The following RIOK3 variants were observed in gnomAD, a reference collection of about 807,000 sequenced individuals.
RIOK3 encodes RIO kinase 3.
A neutral mutation model predicts 63.5 loss-of-function variants in RIOK3; 40 were observed. That is an observed-to-expected ratio of 0.63 (90% confidence interval 0.49 to 0.82). RIOK3 has a LOEUF of 0.82. Among genes scored for constraint, RIOK3 ranks in the 40% least tolerant of loss-of-function variants. The probability of loss-of-function intolerance (pLI) is 0.00; values close to 1 mark genes in which losing one functional copy is unlikely to be tolerated. For missense variants in RIOK3, 557 were observed against 637.0 expected, an observed-to-expected ratio of 0.87 and a Z score of 1.35; for synonymous variants, 193 against 205.0, an observed-to-expected ratio of 0.94 and a Z score of 0.50.
intron 1 of RIOK3, among the ~76,000 whole-genome samples, chr18:23,457,754 C>T (rs1264334093): frequency 1.3e-5 from 2 of 152,044 alleles, no homozygotes. Flanking sequence ...TGAAAAATTA[C>T]TTACTTAAAT....
At chr18:23,457,794 A>G (rs952774279) in intron 1 of RIOK3, among the ~76,000 whole-genome samples, 1 of 152,086 alleles carries the variant, frequency 6.6e-6, no homozygotes, top group African/African-American at 2.4e-5. Flanking sequence ...TTCTAGCTGT[A>G]TGGTTAGAAA....
At chr18:23,479,017 T>C (rs1165380037) in intron 11 of RIOK3, 2 of 270,142 alleles carry the variant, frequency 7.4e-6, no homozygotes, top group Non-Finnish European at 1.5e-5. Flanking sequence ...GGTTGAGAAA[T>C]GAGGCAAGGA....
At chr18:23,464,450 GACA>G (rs2057392726) in intron 4 of RIOK3, 66 bp from the exon 5 acceptor site, 2 of 1,215,606 alleles carry the variant, frequency 1.6e-6, no homozygotes. Context: ...TGTCTTTTCA[GACA>G]ACGTTGAATG....
chr18:23,464,758 A>C, intron 5 of RIOK3, 130 bp downstream of exon 5: 1 of 476,050 alleles, frequency 2.1e-6, no homozygotes, highest in South Asian at 5.5e-5. Flanking sequence ...TTAGATAACA[A>C]TATGGCAATA....
chr18:23,453,313 C>T lies in RIOK3; in HGVS notation c.-127C>T. 1 of 782,834 alleles carries T rather than the reference C, an allele frequency of 1.3e-6. No individual in the cohort carries two copies. Among genetic ancestry groups the T allele is most frequent in the Non-Finnish European group, 2.2e-6 (1 of 453,946 alleles). The allele number at this position is 782,834 out of a possible 1,614,324, so 48.5% of individuals were successfully genotyped here. ...GTTCCGGACGCGGCCGCCGCCGTCGCCGCCATCTGTCACCTCCACTCCGGC... is the reference window on the plus strand; with the variant it reads ...GTTCCGGACGCGGCCGCCGCCGTCGTCGCCATCTGTCACCTCCACTCCGGC... On this transcript the variant is annotated 5_prime_UTR_variant, in exon 1 of 13. Transcript: ENST00000339486.
chr18:23,457,262 G>A (rs1308585927), intron 1 of RIOK3, among the ~76,000 whole-genome samples: 3 of 152,128 alleles, frequency 2.0e-5, no homozygotes, highest in African/African-American at 7.2e-5. Context: ...TTGGCAAACT[G>A]TAAGCAAAAG....
intron 5 of RIOK3, 51 bp downstream of exon 5, chr18:23,464,679 C>T (rs750081868): frequency 9.6e-7 from 1 of 1,044,368 alleles, no homozygotes; most frequent in Non-Finnish European, 1.4e-6. Context: ...GTTTGAATAC[C>T]TTTCAAAAAC....
At chr18:23,463,265 A>G (rs2057383321) in intron 2 of RIOK3, 186 bp downstream of exon 2, 2 of 477,120 alleles carry the variant, frequency 4.2e-6, no homozygotes, top group Admixed American at 4.0e-5. Flanking sequence ...TGGACAAACC[A>G]CTGTTTCTGT....
chr18:23,479,471 G>A, intron 12 of RIOK3, 47 bp downstream of exon 12: 1 of 1,100,700 alleles, frequency 9.1e-7, no homozygotes, highest in Non-Finnish European at 1.4e-6. Context: ...ATGCAGAACT[G>A]CATAGAGGAG....
rs141566928 is a variant in RIOK3, at chr18:23,471,123, C to G, written c.816-2306C>G. Among the ~76,000 whole-genome samples, 11 of 152,332 alleles carry G rather than the reference C, an allele frequency of 7.2e-5. No homozygotes were observed. The East Asian group carries it at 2.1e-3, about 29-fold the overall frequency. ...TGGAATATGCTTCCCCCATCCTCAA[C>G]CCCTCTCCATGACAATAATAAACAA... is the stretch of plus-strand genomic sequence containing the variant. On this transcript the variant is annotated intron_variant, in intron 7 of 12. Coordinates refer to ENST00000339486, the MANE Select transcript of RIOK3 (RefSeq NM_003831.5).
chr18:23,467,513 G>T lies in RIOK3; in HGVS notation c.802G>T (p.Ala268Ser). 1 of 1,612,990 alleles carries T rather than the reference G, an allele frequency of 6.2e-7. No individual in the cohort carries two copies. Among genetic ancestry groups the T allele is most frequent in the Non-Finnish European group, 8.5e-7 (1 of 1,179,370 alleles). The change falls in exon 7 of 13, where the codon GCA (alanine) becomes TCA (serine). Residue 268 changes from alanine (A) to serine (S), a missense_variant. Ala to Ser is a moderately conservative substitution (Grantham distance 99). Coordinates refer to ENST00000339486, the MANE Select transcript of RIOK3 (RefSeq NM_003831.5). ...AGGAAAGGAGTCTGTTGTCTTTCAT[G>T]CATATGGAGGGAGGTAAATGAGCAA... is the stretch of plus-strand genomic sequence containing the variant. ...STGKESVVFHAYGGSMEDEKE... is the reference protein window; with the variant it reads ...STGKESVVFHSYGGSMEDEKE...
Position 23,467,380 on chromosome 18 carries a change from A to C in RIOK3, c.688-19A>C. 1 of 1,598,248 alleles carries C rather than the reference A, an allele frequency of 6.3e-7. No homozygotes were observed. Among genetic ancestry groups the C allele is most frequent in the East Asian group, 2.2e-5 (1 of 44,644 alleles). On this transcript the variant is annotated intron_variant, in intron 6 of 12. Transcript: ENST00000339486. ...GTGATTAGCAGTCATTTTCACTTAC[A>C]GTGCTTTATCTCTTGCAGGAAAAAG...
intron 7 of RIOK3, among the ~76,000 whole-genome samples, chr18:23,470,465 A>G (rs757093910): frequency 6.6e-6 from 1 of 152,222 alleles, no homozygotes; most frequent in Non-Finnish European, 1.5e-5. Flanking sequence ...AGAAAATTAC[A>G]GAGATGTTTA....
At chr18:23,469,371 C>CCTCTCTCCCCTCTCTCCCCCTCTG (rs2057437244) in intron 7 of RIOK3, among the ~76,000 whole-genome samples, 1 of 4,074 alleles carries the variant, frequency 2.5e-4, no homozygotes, top group Non-Finnish European at 4.5e-4. Flanking sequence ...CCCTCCCTCC[C>CCTCTCTCCCCTCTCTCCCCCTCTG]TCCCTCCCCT....
In RIOK3 at chr18:23,474,993, GA is replaced by G. The variant is rs1428538349; in HGVS notation, c.1062del (p.Lys354AsnfsTer4). 2 of 1,612,010 alleles carry G rather than the reference GA, an allele frequency of 1.2e-6. No homozygotes were observed. The highest frequency in any genetic ancestry group is 3.3e-5 in the Admixed American group (2 of 59,988). ...CTTGTCCAACAGTTGTACTACTGAA[GA>G]AACACATTTTAGTTATGTCTTTTAT... ...IPCPTVVLLK[K>X]HILVMSFIGH... On this transcript the variant is annotated frameshift_variant, in exon 9 of 13. Transcript: ENST00000339486. LOFTEE classifies it high-confidence loss of function.
chr18:23,466,981 A>G (rs1598808572), intron 6 of RIOK3, among the ~76,000 whole-genome samples: 1 of 151,784 alleles, frequency 6.6e-6, no homozygotes, highest in East Asian at 1.9e-4. Context: ...CATCCTGGAC[A>G]ACAGAGTGAG....
rs2058759115 is a variant in RIOK3 at position 23,477,041 on chromosome 18, C to G, written c.1209C>G (p.Val403=). 6.2e-7 allele frequency: 1 copy of G among 1,613,904 alleles called. No individual in the cohort carries two copies. Among genetic ancestry groups the G allele is most frequent in the Non-Finnish European group, 8.5e-7 (1 of 1,179,916 alleles). ...MRQLYHECTL[V]HADLSEYNML... is the part of the protein sequence containing the mutation. ...AGTTATATCATGAATGTACGCTTGT[C>G]CATGCTGACCTCAGTGAGTATAACA... Residue 403 remains valine, a synonymous_variant, in exon 10 of 13, where the codon GTC becomes GTG. Coordinates refer to ENST00000339486, the MANE Select transcript of RIOK3 (RefSeq NM_003831.5).
chr18:23,475,168 TA>T (rs1300151824), intron 9 of RIOK3, 61 bp downstream of exon 9: 1 of 1,434,844 alleles, frequency 7.0e-7, no homozygotes, highest in Non-Finnish European at 9.5e-7. Flanking sequence ...CTCTAAACTT[TA>T]AAAAAATTTC....
chr18:23,479,883 T>C (rs997232567), intron 12 of RIOK3, among the ~76,000 whole-genome samples: 10 of 152,194 alleles, frequency 6.6e-5, no homozygotes, highest in African/African-American at 2.2e-4. Context: ...GGCCTGTTTT[T>C]TTCTATACTT....
Sources: allele counts gnomAD v4.1 joint callset (sites outside exome capture counted in the v4.1 genomes callset), GRCh38; gene constraint gnomAD v4.1.1; transcripts MANE v1.5; gene names NCBI Gene and HGNC (gene_info 2026-07-23, HGNC 2026-07-21).